The following SCUBE1 variants were observed in gnomAD, a reference collection of about 807,000 sequenced individuals.
SCUBE1 encodes signal peptide, CUB and EGF-like domain-containing protein 1.
SCUBE1 carries 59 observed loss-of-function variants against 124.4 expected under a neutral mutation model. The observed-to-expected ratio is 0.47, with a 90% CI of 0.38 to 0.59. SCUBE1 has a LOEUF of 0.59. Ranked by LOEUF, SCUBE1 falls within the 20% of genes least tolerant of loss-of-function variation. The pLI is 0.00. For missense variants in SCUBE1, 1,150 were observed against 1,371.2 expected (o/e 0.84, Z 2.55); for synonymous variants, 545 against 550.9 (o/e 0.99, Z 0.15).
rs1927187595 is a variant in SCUBE1 at position 43,339,254 on chromosome 22, G to A, written c.89-19C>T. Reference sequence around the variant, plus strand: ...ACTGACCCTGTGGGTAGGGGTGTGGGGGGAATAAGAGGTAAGGTGTGGCCC... The same window carrying A: ...ACTGACCCTGTGGGTAGGGGTGTGGAGGGAATAAGAGGTAAGGTGTGGCCC... On this transcript the variant is annotated intron_variant, in intron 1 of 21. Coordinates refer to ENST00000360835, the MANE Select transcript of SCUBE1 (RefSeq NM_173050.5). 6.2e-7 allele frequency: 1 copy of A among 1,611,708 alleles called. No homozygotes were observed. The highest frequency in any genetic ancestry group is 2.2e-5 in the East Asian group (1 of 44,818).
chr22:43,323,235 C>A (rs1399901329), intron 2 of SCUBE1, among the ~76,000 whole-genome samples: 1 of 152,178 alleles, frequency 6.6e-6, no homozygotes, highest in Non-Finnish European at 1.5e-5. Flanking sequence ...TATACACATA[C>A]ACACATACAC....
At chr22:43,235,705 C>G (rs918112656) in intron 7 of SCUBE1, among the ~76,000 whole-genome samples, 2 of 152,188 alleles carry the variant, frequency 1.3e-5, no homozygotes, top group African/African-American at 2.4e-5. Flanking sequence ...CAGCCCAGCC[C>G]TTCCCTGCTT....
intron 4 of SCUBE1, among the ~76,000 whole-genome samples, chr22:43,271,394 T>C (rs2146722096): frequency 6.6e-6 from 1 of 152,344 alleles, no homozygotes; most frequent in South Asian, 2.1e-4. Flanking sequence ...AACCGTCTGA[T>C]AAACACAAGC....
In SCUBE1 at chr22:43,255,833, C is replaced by G. The variant is rs1250546878; in HGVS notation, c.727+2386G>C. The stretch of plus-strand genomic sequence containing the variant: ...AATGACCACAAAGTGACCTGGGACA[C>G]AGAGGGGACTCAGGGCCCATGGGCA... On this transcript the variant is annotated intron_variant, in intron 6 of 21. Coordinates refer to ENST00000360835, the MANE Select transcript of SCUBE1 (RefSeq NM_173050.5). The surrounding 1 kb of genome is among the most constrained non-coding windows in gnomAD (Gnocchi z 4.7). 1.3e-5 allele frequency among the ~76,000 whole-genome samples: 2 copies of G among 152,158 alleles called. No homozygotes were observed. Among genetic ancestry groups the G allele is most frequent in the Non-Finnish European group, 2.9e-5 (2 of 68,032 alleles).
At position 43,206,069 on chromosome 22, in the gene SCUBE1, C is replaced by T. The variant is rs1601791421; in HGVS notation, c.2814+1465G>A. 1.4e-5 allele frequency among the ~76,000 whole-genome samples: 2 copies of T among 143,422 alleles called. 1 individual carries two copies. The highest frequency in any genetic ancestry group is 5.2e-5 in the African/African-American group (2 of 38,172). 94.1% of individuals were successfully genotyped at this position (143,422 alleles called of 152,430 possible). On this transcript the variant is annotated intron_variant, in intron 21 of 21. Transcript: ENST00000360835. ...CCCCCACACACACCACACACCCTCA[C>T]CTCCATCGACCATACACACCCCCAT...
At chr22:43,293,800 T>TA (rs1925459854) in intron 3 of SCUBE1, among the ~76,000 whole-genome samples, 1 of 152,198 alleles carries the variant, frequency 6.6e-6, no homozygotes, top group African/African-American at 2.4e-5. Context: ...GGTCCGACTG[T>TA]AAAGCAAACC....
chr22:43,292,543 A>C (rs1182047926), intron 3 of SCUBE1, among the ~76,000 whole-genome samples: 1 of 129,058 alleles, frequency 7.7e-6, no homozygotes. Context: ...CTTCTAGCCA[A>C]TCCCCGGTCC....
At chr22:43,209,916 G>C (rs1921467190) in intron 19 of SCUBE1, 127 bp downstream of exon 19, 3 of 998,104 alleles carry the variant, frequency 3.0e-6, no homozygotes, top group Non-Finnish European at 4.3e-6. Flanking sequence ...TGAGGGGCTG[G>C]TCCTCTGAGC....
chr22:43,237,711 G>A (rs1049754730), intron 7 of SCUBE1: 15 of 152,336 alleles, frequency 9.8e-5, no homozygotes, highest in African/African-American at 3.6e-4. Flanking sequence ...TATTTTTACA[G>A]GCTTAAAAAA....
rs117198402 is a variant in SCUBE1 at position 43,327,239 on chromosome 22, G to T, written c.221-7174C>A. The stretch of plus-strand genomic sequence containing the variant: ...AAACCAAGGCTCAGAGACATTGCCT[G>T]TCCTGCCTCAGATCACACAGCAAAT... On this transcript the variant is annotated intron_variant, in intron 2 of 21. Coordinates refer to ENST00000360835, the MANE Select transcript of SCUBE1 (RefSeq NM_173050.5). Among the ~76,000 whole-genome samples, 290 of 152,278 alleles carry T rather than the reference G, an allele frequency of 1.9e-3. 8 individuals are homozygous for T. In the East Asian group the frequency reaches 0.054, roughly 28 times the overall value.
intron 3 of SCUBE1, among the ~76,000 whole-genome samples, chr22:43,314,027 A>G (rs1389280751): frequency 3.3e-5 from 5 of 152,150 alleles, no homozygotes; most frequent in Non-Finnish European, 5.9e-5. Context: ...TCTTGAGACA[A>G]AACAGAGGAG....
chr22:43,276,025 G>C (rs1280926819), intron 4 of SCUBE1: 1 of 152,532 alleles, frequency 6.6e-6, no homozygotes, highest in Non-Finnish European at 1.5e-5. Flanking sequence ...AGTAGAGCTC[G>C]GACGTGGGAT....
At position 43,229,117 on chromosome 22, in the gene SCUBE1, G is replaced by A. The variant is rs773407297; in HGVS notation, c.1039C>T (p.Leu347=). 1.9e-6 allele frequency: 3 copies of A among 1,613,988 alleles called. No homozygotes were observed. The highest frequency in any genetic ancestry group is 1.7e-5 in the Admixed American group (1 of 60,024). The change falls in exon 9 of 22, where the codon CTG becomes TTG. Residue 347 remains leucine, a synonymous_variant. Transcript: ENST00000360835. ...CINSPGSFQC[L]CHRGYILYGT... is the part of the protein sequence containing the mutation. ...TAGAGGATGTAGCCGCGGTGACACAGGCACTGGAAGCTGCCCGGGGAGTTG... is the reference window on the plus strand; with the variant it reads ...TAGAGGATGTAGCCGCGGTGACACAAGCACTGGAAGCTGCCCGGGGAGTTG...
chr22:43,233,139 C>T (rs372436541), intron 7 of SCUBE1, among the ~76,000 whole-genome samples: 33 of 152,148 alleles, frequency 2.2e-4, no homozygotes, highest in East Asian at 1.3e-3. Context: ...CTGAGGCGGG[C>T]GGATCACCTG....
At chr22:43,212,620 G>C in intron 16 of SCUBE1, 28 bp from the exon 17 acceptor site, 1 of 1,550,932 alleles carries the variant, frequency 6.4e-7, no homozygotes, top group Non-Finnish European at 8.7e-7. Context: ...TGGCTCAGGC[G>C]GGCAGGAGGG....
At chr22:43,342,518 C>T (rs1281720292) in intron 1 of SCUBE1, among the ~76,000 whole-genome samples, 2 of 151,650 alleles carry the variant, frequency 1.3e-5, no homozygotes, top group Non-Finnish European at 2.9e-5. Context: ...CCCCCAACCC[C>T]GTTTTTCTGC....
Position 43,343,323 on chromosome 22 carries a change from C to T in SCUBE1, c.-62G>A. The stretch of plus-strand genomic sequence containing the variant: ...GGGCGCGGGGACCCGACCGACCGGC[C>T]GCTCCCGCAGGCGCTGCTCGCTGCT... On this transcript the variant is annotated 5_prime_UTR_variant, in exon 1 of 22. Coordinates refer to ENST00000360835, the MANE Select transcript of SCUBE1 (RefSeq NM_173050.5). The T allele has an allele frequency of 3.5e-6, 3 of 845,908 alleles. No homozygotes were observed. The highest frequency in any genetic ancestry group is 4.4e-6 in the Non-Finnish European group (3 of 685,432). The allele number at this position is 845,908 out of a possible 1,614,324, so 52.4% of individuals were successfully genotyped here.
At chr22:43,339,791 T>A (rs113774894) in intron 1 of SCUBE1, among the ~76,000 whole-genome samples, 390 of 17,996 alleles carry the variant, frequency 0.022, 8 homozygotes, top group Middle Eastern at 0.071. Context: ...CCACAAGCAT[T>A]GCTTCAACCC....
rs73420068 is a variant in SCUBE1, at chr22:43,234,106, G to A, written c.845-2231C>T. Reference sequence around the variant, plus strand: ...CAAGAAAGAGATATGAAGCCCAGCTGTGCTGGTCCAGGGCGGAGGCTTAGG... The same window carrying A: ...CAAGAAAGAGATATGAAGCCCAGCTATGCTGGTCCAGGGCGGAGGCTTAGG... On this transcript the variant is annotated intron_variant, in intron 7 of 21. Coordinates refer to ENST00000360835, the MANE Select transcript of SCUBE1 (RefSeq NM_173050.5). The surrounding 1 kb of genome is among the most constrained non-coding windows in gnomAD (Gnocchi z 4.4). Among the ~76,000 whole-genome samples the A allele has an allele frequency of 0.026, 3,938 of 152,078 alleles. 125 individuals carry two copies. The highest frequency in any genetic ancestry group is 0.079 in the African/African-American group (3,291 of 41,472).
Sources: gnomAD v4.1 joint callset for allele counts (sites outside exome capture counted in the v4.1 genomes callset) on GRCh38, gnomAD v4.1.1 for gene constraint, Gnocchi (gnomAD v3.1) non-coding constraint, MANE v1.5 for transcripts, NCBI Gene and HGNC (gene_info 2026-07-23, HGNC 2026-07-21) for gene names.